The following ASIC1 variants were observed in gnomAD, a reference collection of about 807,000 sequenced individuals.
ASIC1 encodes acid-sensing ion channel 1.
ASIC1 carries 21 observed loss-of-function variants against 63.4 expected under a neutral mutation model. The observed-to-expected ratio is 0.33, with a 90% CI of 0.23 to 0.48. The LOEUF (loss-of-function observed/expected upper bound fraction) is 0.48, where lower values mean the gene tolerates loss of function less well. Ranked by LOEUF, ASIC1 falls within the 20% of genes least tolerant of loss-of-function variation. ASIC1 has a pLI of 0.99. For missense variants in ASIC1, 478 were observed against 695.5 expected (o/e 0.69, Z 3.52); for synonymous variants, 258 against 278.2 (o/e 0.93, Z 0.72).
intron 4 of ASIC1, among the ~76,000 whole-genome samples, 177 bp downstream of exon 4, chr12:50,077,540 C>T (rs1185879920): frequency 1.3e-5 from 2 of 152,170 alleles, no homozygotes; most frequent in African/African-American, 2.4e-5. Flanking sequence ...CTCTCTGGCT[C>T]CCACTTCCTG....
chr12:50,080,201 T>G, intron 8 of ASIC1, 146 bp downstream of exon 8: 2 of 1,191,138 alleles, frequency 1.7e-6, no homozygotes, highest in South Asian at 3.1e-5. Flanking sequence ...GAGTCTAGGG[T>G]GGGTATGCAG....
intron 9 of ASIC1, 195 bp from the exon 10 acceptor site, chr12:50,080,907 T>C: frequency 1.2e-6 from 1 of 831,618 alleles, no homozygotes; most frequent in South Asian, 1.6e-5. Flanking sequence ...CACCTGCTTG[T>C]TTTAGAAAGG....
At chr12:50,076,821 G>T (rs1328749323) in intron 3 of ASIC1, 1 of 388,362 alleles carries the variant, frequency 2.6e-6, no homozygotes, top group Non-Finnish European at 5.1e-6. Context: ...GCTCTGTAGG[G>T]AGCCCTGGCA....
intron 1 of ASIC1, 90 bp from the exon 2 acceptor site, chr12:50,058,661 G>C: frequency 1.4e-6 from 2 of 1,464,978 alleles, no homozygotes; most frequent in Non-Finnish European, 1.8e-6. Context: ...GACCTCTGGA[G>C]ATGAGGATTC....
At chr12:50,062,745 G>A (rs1436870386) in intron 3 of ASIC1, among the ~76,000 whole-genome samples, 1 of 152,204 alleles carries the variant, frequency 6.6e-6, no homozygotes, top group South Asian at 2.1e-4. Context: ...GGCTACTCTG[G>A]TCACTCAAAG....
At chr12:50,068,939 G>A (rs1950571764) in intron 3 of ASIC1, among the ~76,000 whole-genome samples, 1 of 152,168 alleles carries the variant, frequency 6.6e-6, no homozygotes, top group African/African-American at 2.4e-5. Context: ...TCACTCTGCA[G>A]CCAGAGTGGT....
At chr12:50,080,809 G>T (rs1950707832) in intron 9 of ASIC1, 4 of 1,295,902 alleles carry the variant, frequency 3.1e-6, no homozygotes, top group East Asian at 2.5e-5. Flanking sequence ...GCATGAGGGA[G>T]GGGTAGGCAT....
chr12:50,072,829 C>T (rs560635778), intron 3 of ASIC1, among the ~76,000 whole-genome samples: 2 of 152,058 alleles, frequency 1.3e-5, no homozygotes, highest in African/African-American at 4.8e-5. Flanking sequence ...AGGAAAGGAA[C>T]CAAAATACAT....
rs1335248592 is a variant in ASIC1 at position 50,059,726 on chromosome 12, C to T, written c.363-33C>T. 1 of 1,600,136 alleles carries T rather than the reference C, an allele frequency of 6.2e-7. No individual in the cohort carries two copies. Among genetic ancestry groups the T allele is most frequent in the African/African-American group, 1.3e-5 (1 of 74,550 alleles). The stretch of plus-strand genomic sequence containing the variant: ...TGGGTGCAGGACACTGATGACTGTA[C>T]TGACCCGTGTGTCACTCACCCCCGG... On this transcript the variant is annotated intron_variant, in intron 2 of 11. Coordinates refer to ENST00000447966, the MANE Select transcript of ASIC1 (RefSeq NM_001095.4). This position sits in a 1 kb window ranked among gnomAD's most constrained non-coding sequence, Gnocchi z 4.6.
Position 50,077,475 on chromosome 12 carries a change from C to T in ASIC1, c.709+112C>T, listed in dbSNP as rs1950668427. Reference sequence around the variant, plus strand: ...GGCAGGGCCCGGGCTTTCCCCTCTCCCTCCAGCATCTCACCATCTCTATCA... The same window carrying T: ...GGCAGGGCCCGGGCTTTCCCCTCTCTCTCCAGCATCTCACCATCTCTATCA... On this transcript the variant is annotated intron_variant, in intron 4 of 11. Coordinates refer to ENST00000447966, the MANE Select transcript of ASIC1 (RefSeq NM_001095.4). 3.5e-6 allele frequency: 5 copies of T among 1,417,598 alleles called. No homozygotes were observed. The South Asian group carries it at 5.4e-5, about 15-fold the overall frequency. 87.8% of individuals were successfully genotyped at this position (1,417,598 alleles called of 1,614,324 possible).
chr12:50,067,726 C>T (rs955630111), intron 3 of ASIC1, among the ~76,000 whole-genome samples: 6 of 152,112 alleles, frequency 3.9e-5, no homozygotes, highest in Non-Finnish European at 8.8e-5. Context: ...GACCCCACCA[C>T]CTCTTTTTTG....
At chr12:50,058,314 C>G (rs1366172227) in intron 1 of ASIC1, among the ~76,000 whole-genome samples, 2 of 152,214 alleles carry the variant, frequency 1.3e-5, no homozygotes, top group African/African-American at 4.8e-5. Flanking sequence ...CAGCCCCGTC[C>G]AGGGAATACC....
At chr12:50,080,665 G>A in intron 9 of ASIC1, 76 bp downstream of exon 9, 1 of 1,613,992 alleles carries the variant, frequency 6.2e-7, no homozygotes. Context: ...AAAGCAGGGT[G>A]CTCACTTCTG....
chr12:50,079,954 C>T lies in ASIC1; in HGVS notation c.1104C>T (p.Asn368=). Residue 368 remains asparagine, a synonymous_variant, in exon 8 of 12, where the codon AAC becomes AAT. Transcript: ENST00000447966. ...QEYCVCEMPC[N]LTRYGKELSM... is the part of the protein sequence containing the mutation. ...ACTGCGTGTGTGAAATGCCTTGCAA[C>T]CTGACCCGCTATGGCAAAGAGCTGT... 1.2e-6 allele frequency: 2 copies of T among 1,613,964 alleles called. No homozygotes were observed. Among genetic ancestry groups the T allele is most frequent in the East Asian group, 2.2e-5 (1 of 44,882 alleles).
chr12:50,080,995 G>A (rs961753557), intron 9 of ASIC1, 107 bp from the exon 10 acceptor site: 2 of 1,058,908 alleles, frequency 1.9e-6, no homozygotes, highest in African/African-American at 3.2e-5. Flanking sequence ...CTGTGCGAAG[G>A]CTACCAATCC....
At chr12:50,068,467 CT>C (rs1049886360) in intron 3 of ASIC1, among the ~76,000 whole-genome samples, 2 of 151,752 alleles carry the variant, frequency 1.3e-5, no homozygotes, top group African/African-American at 4.8e-5. Context: ...TTTTTTCTAT[CT>C]TTTTTTTAAA....
intron 3 of ASIC1, among the ~76,000 whole-genome samples, chr12:50,063,185 G>A (rs1241592634): frequency 6.6e-6 from 1 of 152,200 alleles, no homozygotes; most frequent in East Asian, 1.9e-4. Flanking sequence ...CCAAGGCAGG[G>A]CAGGGATTCC....
intron 3 of ASIC1, chr12:50,073,430 C>G: frequency 5.0e-6 from 7 of 1,398,682 alleles, no homozygotes; most frequent in Non-Finnish European, 6.5e-6. Context: ...CACAGAGGCC[C>G]TGGTGAGGAA....
rs1306400724 is a variant in ASIC1, at chr12:50,074,280, G to A, written c.559-2933G>A. ...CCCCATGCCTGCCACAGTACCCCAA[G>A]AGTGTCTGCCATGGCTGTCCCTGAC... On this transcript the variant is annotated intron_variant, in intron 3 of 11. Coordinates refer to ENST00000447966, the MANE Select transcript of ASIC1 (RefSeq NM_001095.4). The surrounding 1 kb of genome is among the most constrained non-coding windows in gnomAD (Gnocchi z 4.2). 1 of 1,444,210 alleles carries A rather than the reference G, an allele frequency of 6.9e-7. No individual in the cohort carries two copies. The highest frequency in any genetic ancestry group is 9.1e-7 in the Non-Finnish European group (1 of 1,101,416). 89.5% of individuals were successfully genotyped at this position (1,444,210 alleles called of 1,614,324 possible).
Sources: allele counts gnomAD v4.1 joint callset (sites outside exome capture counted in the v4.1 genomes callset), GRCh38; gene constraint gnomAD v4.1.1; non-coding constraint Gnocchi (gnomAD v3.1); transcripts MANE v1.5; gene names NCBI Gene and HGNC (gene_info 2026-07-23, HGNC 2026-07-21).